Variants in GAREM1 observed in about 807,000 individuals in gnomAD.
The protein encoded by GAREM1 is GRB2 associated regulator of MAPK1 subtype 1.
A neutral mutation model predicts 71.3 loss-of-function variants in GAREM1; 26 were observed. That is an observed-to-expected ratio of 0.36 (90% CI 0.27 to 0.51). The LOEUF is 0.51. Ranked by LOEUF, GAREM1 falls within the 20% of genes least tolerant of loss-of-function variation. The pLI, the probability that GAREM1 is intolerant of heterozygous loss-of-function variation, is 0.95. For synonymous variants in GAREM1, 440 were observed against 433.2 expected (o/e 1.02, Z -0.20); for missense variants, 1,026 against 1,103.1 (o/e 0.93, Z 0.99).
At chr18:32,335,968 C>G (rs988719953) in intron 2 of GAREM1, among the ~76,000 whole-genome samples, 1 of 152,170 alleles carries the variant, frequency 6.6e-6, no homozygotes, top group African/African-American at 2.4e-5. Context: ...GCAGCGAACG[C>G]TGACACTACC....
chr18:32,274,137 G>T lies in GAREM1; in HGVS notation c.1567-3754C>A, dbSNP rs572262640. Among the ~76,000 whole-genome samples the T allele has an allele frequency of 2.0e-3, 300 of 152,262 alleles. 2 individuals carry two copies. Among genetic ancestry groups the T allele is most frequent in the Middle Eastern group, 3.4e-3 (1 of 294 alleles). The stretch of plus-strand genomic sequence containing the variant: ...TTGTTGCTGCATGGGTGGCCGCTCC[G>T]ATGATGGCCTATTTCTCTGCATCTT... On this transcript the variant is annotated intron_variant, in intron 4 of 5. Coordinates refer to ENST00000269209, the MANE Select transcript of GAREM1 (RefSeq NM_001242409.2).
At chr18:32,416,161 C>T (rs1291102256) in intron 1 of GAREM1, among the ~76,000 whole-genome samples, 1 of 151,848 alleles carries the variant, frequency 6.6e-6, no homozygotes, top group Non-Finnish European at 1.5e-5. Context: ...ATTAACTTAA[C>T]CAAAGAAGTA....
intron 2 of GAREM1, among the ~76,000 whole-genome samples, chr18:32,339,526 G>A (rs1338312331): frequency 6.6e-6 from 1 of 152,118 alleles, no homozygotes; most frequent in African/African-American, 2.4e-5. Flanking sequence ...GGTTTGGGCT[G>A]GACCTATGGG....
intron 5 of GAREM1, among the ~76,000 whole-genome samples, chr18:32,269,800 G>A (rs2041430934): frequency 6.6e-6 from 1 of 152,156 alleles, no homozygotes; most frequent in Non-Finnish European, 1.5e-5. Context: ...ACTCCTGTCT[G>A]GATGGAAATT....
chr18:32,425,936 T>C (rs2048570158), intron 1 of GAREM1, among the ~76,000 whole-genome samples: 1 of 152,168 alleles, frequency 6.6e-6, no homozygotes, highest in Non-Finnish European at 1.5e-5. Context: ...CCTTTCCTCA[T>C]TTATGGGCCT....
intron 2 of GAREM1, among the ~76,000 whole-genome samples, chr18:32,381,882 A>G (rs2048101091): frequency 6.6e-6 from 1 of 152,198 alleles, no homozygotes; most frequent in South Asian, 2.1e-4. Flanking sequence ...TACTTTATCT[A>G]GAACGCCCTT....
chr18:32,287,777 C>A lies in GAREM1; in HGVS notation c.820G>T (p.Val274Leu). The A allele has an allele frequency of 6.2e-7, 1 of 1,613,538 alleles. No homozygotes were observed. Residue 274 changes from valine to leucine, a missense_variant, in exon 4 of 6, where the codon GTG (valine) becomes TTG (leucine). Val to Leu is a conservative substitution (Grantham distance 32). Around this residue, in one of 3 missense-constraint regions of GAREM1, gnomAD observed 218 missense variants for 296.8 expected, o/e 0.73. Coordinates refer to ENST00000269209, the MANE Select transcript of GAREM1 (RefSeq NM_001242409.2). The surrounding 1 kb of genome is among the most constrained non-coding windows in gnomAD (Gnocchi z 5.9). ...FIREGHRYKF[V>L]NIQTKTVVVC... Reference sequence around the variant, plus strand: ...ACCACCGTCTTGGTCTGGATGTTCACAAACTTATAGCGGTGCCCCTCACGG... The same window carrying A: ...ACCACCGTCTTGGTCTGGATGTTCAAAAACTTATAGCGGTGCCCCTCACGG...
chr18:32,403,470 C>T (rs2048335846), intron 1 of GAREM1, among the ~76,000 whole-genome samples: 1 of 152,180 alleles, frequency 6.6e-6, no homozygotes. Context: ...GAGCCCTCTG[C>T]TCACTTCAGT....
chr18:32,363,861 T>C (rs1335701582), intron 2 of GAREM1, among the ~76,000 whole-genome samples: 5 of 150,562 alleles, frequency 3.3e-5, no homozygotes, highest in Admixed American at 3.3e-4. Flanking sequence ...TTAAGGCTTA[T>C]TTTGGCAAAG....
intron 3 of GAREM1, among the ~76,000 whole-genome samples, chr18:32,295,340 T>C (rs1393893802): frequency 6.6e-6 from 1 of 152,196 alleles, no homozygotes; most frequent in Non-Finnish European, 1.5e-5. Context: ...CATAGTACAC[T>C]TAAGACAATA....
At chr18:32,347,724 T>C (rs1468355827) in intron 2 of GAREM1, among the ~76,000 whole-genome samples, 1 of 152,232 alleles carries the variant, frequency 6.6e-6, no homozygotes, top group African/African-American at 2.4e-5. Flanking sequence ...TTTTATACAA[T>C]GCATAAAAGT....
At chr18:32,305,503 C>G (rs1443982313) in intron 3 of GAREM1, among the ~76,000 whole-genome samples, 2 of 152,028 alleles carry the variant, frequency 1.3e-5, no homozygotes, top group Non-Finnish European at 2.9e-5. Flanking sequence ...GCTTGGTTAG[C>G]CAGTAGGGAT....
At chr18:32,451,933 C>G (rs908041765) in intron 1 of GAREM1, among the ~76,000 whole-genome samples, 11 of 152,164 alleles carry the variant, frequency 7.2e-5, no homozygotes, top group African/African-American at 1.9e-4. Flanking sequence ...TTGCTTGATA[C>G]TAGCATTTAG....
At chr18:32,347,983 T>G (rs1446665220) in intron 2 of GAREM1, among the ~76,000 whole-genome samples, 1 of 152,250 alleles carries the variant, frequency 6.6e-6, no homozygotes, top group East Asian at 1.9e-4. Flanking sequence ...ATTTGAAAAC[T>G]ACTTTTGGAA....
At chr18:32,281,843 C>A (rs1016811407) in intron 4 of GAREM1, among the ~76,000 whole-genome samples, 1 of 152,084 alleles carries the variant, frequency 6.6e-6, no homozygotes, top group African/African-American at 2.4e-5. Flanking sequence ...GCCCAGATGG[C>A]CTGAAGTAAC....
At chr18:32,322,541 T>A (rs1039788532) in intron 2 of GAREM1, among the ~76,000 whole-genome samples, 3 of 152,256 alleles carry the variant, frequency 2.0e-5, no homozygotes, top group African/African-American at 7.2e-5. Context: ...GACTGCATTA[T>A]CTACAGATTT....
chr18:32,375,988 G>GC (rs2048027033), intron 2 of GAREM1, among the ~76,000 whole-genome samples: 1 of 151,278 alleles, frequency 6.6e-6, no homozygotes, highest in African/African-American at 2.4e-5. Flanking sequence ...TTAGTTGAAT[G>GC]TAAAAAAAAA....
chr18:32,396,951 G>A (rs1054298741), intron 1 of GAREM1, among the ~76,000 whole-genome samples: 44 of 152,224 alleles, frequency 2.9e-4, no homozygotes, highest in Non-Finnish European at 5.3e-4. Context: ...GACTAACAGC[G>A]GATCTCTCGG....
intron 3 of GAREM1, among the ~76,000 whole-genome samples, chr18:32,305,616 T>A (rs2047246334): frequency 6.6e-6 from 1 of 152,158 alleles, no homozygotes; most frequent in Non-Finnish European, 1.5e-5. Context: ...GCCTCCCAAG[T>A]TCAAGTAATT....
Sources: gnomAD v4.1 joint callset for allele counts (sites outside exome capture counted in the v4.1 genomes callset) on GRCh38, gnomAD v4.1.1 for gene constraint, gnomAD v4.1.1 regional missense constraint, Gnocchi (gnomAD v3.1) non-coding constraint, MANE v1.5 for transcripts, NCBI Gene and HGNC (gene_info 2026-07-23, HGNC 2026-07-21) for gene names.